The following MYO1B variants were observed in gnomAD, a reference collection of about 807,000 sequenced individuals.
MYO1B encodes unconventional myosin-Ib.
MYO1B carries 72 observed loss-of-function variants against 159.7 expected under a neutral mutation model. The ratio of observed to expected loss-of-function variants is 0.45; its 90% CI spans 0.37 to 0.55. The LOEUF is 0.55. MYO1B is among the 20% of genes least tolerant of loss of function. The pLI is 0.00. For synonymous variants in MYO1B, 468 were observed against 473.8 expected (o/e 0.99, Z 0.16); for missense variants, 1,062 against 1,364.8 (o/e 0.78, Z 3.50).
In MYO1B at chr2:191,390,379, G is replaced by A; in HGVS notation, c.1869G>A (p.Glu623=). 6.2e-7 allele frequency: 1 copy of A among 1,614,240 alleles called. No homozygotes were observed. The highest frequency in any genetic ancestry group is 8.5e-7 in the Non-Finnish European group (1 of 1,180,032). The change falls in exon 18 of 31, where the codon GAG becomes GAA. Residue 623 remains glutamate, a synonymous_variant. Coordinates refer to ENST00000392318, the MANE Select transcript of MYO1B (RefSeq NM_001130158.3). ...CHQIRYLGLL[E]NVRVRRAGYA... ...AGATCAGGTACCTGGGGCTTTTGGA[G>A]AACGTCCGAGTGCGGAGGGCAGGCT...
chr2:191,336,277 A>G (rs976751607), intron 4 of MYO1B, among the ~76,000 whole-genome samples: 7 of 152,286 alleles, frequency 4.6e-5, no homozygotes, highest in South Asian at 2.1e-4. Context: ...CTAAACCCCA[A>G]ATGACCTTAT....
chr2:191,368,938 C>T (rs1694185869), intron 11 of MYO1B, among the ~76,000 whole-genome samples: 1 of 152,124 alleles, frequency 6.6e-6, no homozygotes, highest in South Asian at 2.1e-4. Flanking sequence ...TGTGCTACTG[C>T]ACTCCAGCCT....
chr2:191,373,414 G>C (rs958334564), intron 13 of MYO1B, among the ~76,000 whole-genome samples: 2 of 152,180 alleles, frequency 1.3e-5, no homozygotes, highest in African/African-American at 2.4e-5. Context: ...GTAAACTGCA[G>C]ATTCCAAACA....
rs1301231674 is a variant in MYO1B at position 191,400,918 on chromosome 2, G to A, written c.2469+83G>A. ...ACCTCTAGCCTATTAGGGGATGAAT[G>A]ACTACAATTAATAGTGGCTCACACT... On this transcript the variant is annotated intron_variant, in intron 23 of 30. Transcript: ENST00000392318. 9 of 1,305,038 alleles carry A rather than the reference G, an allele frequency of 6.9e-6. No homozygotes were observed. In the South Asian group the frequency reaches 1.2e-4, roughly 17 times the overall value. The allele number at this position is 1,305,038 out of a possible 1,614,324, so 80.8% of individuals were successfully genotyped here. A position where few individuals can be genotyped will look rare whatever the true frequency, so the allele number is the denominator to read the frequency against.
intron 1 of MYO1B, among the ~76,000 whole-genome samples, chr2:191,264,992 A>C (rs1423293950): frequency 6.6e-6 from 1 of 152,040 alleles, no homozygotes; most frequent in Non-Finnish European, 1.5e-5. Flanking sequence ...TGGGCCTGCA[A>C]CTTGGATCTT....
intron 1 of MYO1B, among the ~76,000 whole-genome samples, chr2:191,268,675 C>G (rs1687284010): frequency 6.6e-6 from 1 of 152,222 alleles, no homozygotes; most frequent in South Asian, 2.1e-4. Context: ...ATGCTTCATT[C>G]TTCTCTTCAG....
intron 1 of MYO1B, among the ~76,000 whole-genome samples, chr2:191,258,578 A>G (rs1278694870): frequency 1.1e-4 from 17 of 152,224 alleles, no homozygotes; most frequent in Admixed American, 1.1e-3. Context: ...CCTCCATTAT[A>G]TGTGTGGTCT....
chr2:191,398,413 C>CG lies in MYO1B; in HGVS notation c.2295+1922dup, dbSNP rs1445972316. 3.9e-3 allele frequency among the ~76,000 whole-genome samples: 223 copies of CG among 57,166 alleles called. 6 individuals carry two copies. Among genetic ancestry groups the CG allele is most frequent in the African/African-American group, 7.4e-3 (204 of 27,712 alleles). 37.5% of individuals were successfully genotyped at this position (57,166 alleles called of 152,430 possible). A position where few individuals can be genotyped will look rare whatever the true frequency, so the allele number is the denominator to read the frequency against. On this transcript the variant is annotated intron_variant, in intron 21 of 30. Coordinates refer to ENST00000392318, the MANE Select transcript of MYO1B (RefSeq NM_001130158.3). Reference sequence around the variant, plus strand: ...CTCCCGGACGGGGCGGCTGGCCGGGCGGGGGGCTGACCCCCCCCCACCTCC... The same window carrying CG: ...CTCCCGGACGGGGCGGCTGGCCGGGCGGGGGGGCTGACCCCCCCCCACCTCC...
intron 3 of MYO1B, among the ~76,000 whole-genome samples, chr2:191,311,773 G>T (rs1690015861): frequency 6.6e-6 from 1 of 152,178 alleles, no homozygotes; most frequent in African/African-American, 2.4e-5. Flanking sequence ...ATTATAAAAT[G>T]AACACATGTA....
intron 20 of MYO1B, among the ~76,000 whole-genome samples, chr2:191,395,903 A>G (rs562958358): frequency 4.1e-4 from 63 of 152,368 alleles, no homozygotes; most frequent in African/African-American, 1.4e-3. Context: ...GGCTTTATGC[A>G]TAGTAGAGGC....
intron 1 of MYO1B, among the ~76,000 whole-genome samples, chr2:191,251,001 G>A (rs1686077807): frequency 1.3e-5 from 2 of 152,292 alleles, no homozygotes; most frequent in South Asian, 4.1e-4. Context: ...CAGGATTCCT[G>A]TAGGTGTCCT....
At chr2:191,272,175 C>T (rs1021336842) in intron 1 of MYO1B, among the ~76,000 whole-genome samples, 1 of 152,158 alleles carries the variant, frequency 6.6e-6, no homozygotes, top group African/African-American at 2.4e-5. Context: ...GGAACAATTG[C>T]AATAATATAT....
At chr2:191,386,946 A>C (rs575110012) in intron 16 of MYO1B, among the ~76,000 whole-genome samples, 1 of 152,342 alleles carries the variant, frequency 6.6e-6, no homozygotes, top group African/African-American at 2.4e-5. Flanking sequence ...ACTCCTAAAA[A>C]ATGCAAAATC....
chr2:191,326,473 C>G (rs1691074916), intron 3 of MYO1B, among the ~76,000 whole-genome samples: 1 of 151,868 alleles, frequency 6.6e-6, no homozygotes, highest in South Asian at 2.1e-4. Flanking sequence ...GATGGGTATG[C>G]CAGTAGTTAC....
intron 1 of MYO1B, among the ~76,000 whole-genome samples, chr2:191,269,024 T>C (rs2125713824): frequency 6.6e-6 from 1 of 152,300 alleles, no homozygotes; most frequent in Non-Finnish European, 1.5e-5. Context: ...ACATAAAATC[T>C]ACCATTTTAA....
chr2:191,315,688 G>T (rs1206086867), intron 3 of MYO1B, among the ~76,000 whole-genome samples: 2 of 152,224 alleles, frequency 1.3e-5, no homozygotes, highest in African/African-American at 2.4e-5. Flanking sequence ...CTGACTATGT[G>T]AAGGGTGTCA....
intron 9 of MYO1B, among the ~76,000 whole-genome samples, chr2:191,363,354 T>C (rs922907752): frequency 1.3e-5 from 2 of 152,152 alleles, no homozygotes; most frequent in Non-Finnish European, 2.9e-5. Flanking sequence ...TTTTCTGATA[T>C]GTAAAATGAA....
chr2:191,346,821 G>A (rs919936280), intron 6 of MYO1B, among the ~76,000 whole-genome samples: 6 of 152,180 alleles, frequency 3.9e-5, no homozygotes, highest in African/African-American at 1.4e-4. Context: ...GCTTGATTGA[G>A]TTGGAAAATG....
At chr2:191,396,552 AG>A (rs1696084942) in intron 21 of MYO1B, 55 bp downstream of exon 21, 2 of 1,568,142 alleles carry the variant, frequency 1.3e-6, no homozygotes, top group Non-Finnish European at 1.8e-6. Flanking sequence ...TTTTTCACAA[AG>A]GATAATGTCT....
Sources: gnomAD v4.1 joint callset for allele counts (sites outside exome capture counted in the v4.1 genomes callset) on GRCh38, gnomAD v4.1.1 for gene constraint, MANE v1.5 for transcripts, NCBI Gene and HGNC (gene_info 2026-07-23, HGNC 2026-07-21) for gene names.